PCDH15: variants seen among roughly 807,000 people sequenced by gnomAD.
PCDH15 encodes the protein protocadherin-15.
PCDH15 carries 129 observed loss-of-function variants against 178.5 expected under a neutral mutation model. That is an observed-to-expected ratio of 0.72 (90% confidence interval 0.63 to 0.84). PCDH15 has a LOEUF of 0.84. Among genes scored for constraint, PCDH15 ranks in the 40% least tolerant of loss-of-function variants. PCDH15 has a pLI of 0.00. For synonymous variants in PCDH15, 800 were observed against 732.0 expected (o/e 1.09, Z -1.50); for missense variants, 2,230 against 2,099.9 (o/e 1.06, Z -1.21).
At chr10:55,312,605 T>G (rs1843613540) in intron 1 of PCDH15, among the ~76,000 whole-genome samples, 1 of 151,240 alleles carries the variant, frequency 6.6e-6, no homozygotes, top group African/African-American at 2.5e-5. Context: ...AGATGTTGAC[T>G]GCTCTAAGTA....
At chr10:54,722,156 A>G (rs1941726794) in intron 1 of PCDH15, among the ~76,000 whole-genome samples, 1 of 151,892 alleles carries the variant, frequency 6.6e-6, no homozygotes. Context: ...TTCATCTGAT[A>G]AAATCAACAC....
Position 55,334,640 on chromosome 10 carries a change from A to T in PCDH15, c.-155-167989T>A, listed in dbSNP as rs140037155. On this transcript the variant is annotated intron_variant, in intron 2 of 5. Transcript: ENST00000613346. ...CATATTTTTATTTTTTTCTATCTGT[A>T]TTGTATTTCACTGTTTTTATTTTTA... 5.1e-3 allele frequency among the ~76,000 whole-genome samples: 769 copies of T among 151,870 alleles called. 16 individuals are homozygous for T. The highest frequency in any genetic ancestry group is 0.017 in the African/African-American group (718 of 41,416).
intron 2 of PCDH15, among the ~76,000 whole-genome samples, chr10:55,078,598 T>C (rs1474160938): frequency 3.9e-5 from 6 of 152,142 alleles, no homozygotes; most frequent in African/African-American, 1.4e-4. Flanking sequence ...CTTGAGATAG[T>C]CTATTGTTGA....
intron 1 of PCDH15, among the ~76,000 whole-genome samples, chr10:54,697,988 T>TCAC (rs1484050937): frequency 6.6e-6 from 1 of 151,264 alleles, no homozygotes; most frequent in Non-Finnish European, 1.5e-5. Flanking sequence ...AAATCAATAC[T>TCAC]CATCCTGAGA....
chr10:55,215,865 A>G (rs1269272925), intron 1 of PCDH15, among the ~76,000 whole-genome samples: 2 of 152,042 alleles, frequency 1.3e-5, no homozygotes, highest in East Asian at 3.9e-4. Flanking sequence ...AGAGACATCC[A>G]GGATTTCTGA....
intron 1 of PCDH15, among the ~76,000 whole-genome samples, chr10:55,296,744 T>C (rs538081539): frequency 1.7e-4 from 26 of 152,122 alleles, no homozygotes; most frequent in Non-Finnish European, 3.4e-4. Context: ...TTAGACATAG[T>C]AAAATTCACT....
At chr10:55,426,221 C>T (rs1375473997) in intron 2 of PCDH15, among the ~76,000 whole-genome samples, 2 of 152,058 alleles carry the variant, frequency 1.3e-5, no homozygotes, top group African/African-American at 2.4e-5. Flanking sequence ...TTCCCCTGAC[C>T]TCTTGGTGGG....
intron 2 of PCDH15, among the ~76,000 whole-genome samples, chr10:55,095,220 G>C (rs1303139323): frequency 1.3e-5 from 2 of 151,884 alleles, no homozygotes; most frequent in Admixed American, 1.3e-4. Context: ...GGGATTACAG[G>C]TGTGAGCTAC....
At chr10:54,019,029 G>A (rs1480095970) in intron 20 of PCDH15, among the ~76,000 whole-genome samples, 1 of 152,004 alleles carries the variant, frequency 6.6e-6, no homozygotes, top group Admixed American at 6.6e-5. Context: ...CTTTGCAAGT[G>A]CTTCATTTAT....
At chr10:54,080,594 C>G (rs951186573) in intron 16 of PCDH15, among the ~76,000 whole-genome samples, 1 of 152,094 alleles carries the variant, frequency 6.6e-6, no homozygotes, top group Admixed American at 6.5e-5. Flanking sequence ...ATTCATATCA[C>G]ATATGGTAGT....
intron 7 of PCDH15, among the ~76,000 whole-genome samples, chr10:54,319,537 T>C (rs1225439165): frequency 1.3e-5 from 2 of 152,160 alleles, no homozygotes; most frequent in Non-Finnish European, 2.9e-5. Flanking sequence ...AGCAACTGCA[T>C]GAGTGGTGCC....
At chr10:54,090,099 T>C (rs1355822176) in intron 15 of PCDH15, 36 bp from the exon 16 acceptor site, 3 of 1,480,104 alleles carry the variant, frequency 2.0e-6, no homozygotes, top group African/African-American at 1.4e-5. Flanking sequence ...TATCAAGTAA[T>C]TGATATGGCG....
At chr10:54,014,140 TC>T (rs1334789979) in intron 20 of PCDH15, among the ~76,000 whole-genome samples, 3 of 151,962 alleles carry the variant, frequency 2.0e-5, no homozygotes, top group South Asian at 4.1e-4. Context: ...TATGAACACC[TC>T]TGGGTACACA....
intron 1 of PCDH15, among the ~76,000 whole-genome samples, chr10:55,243,066 T>C (rs190963109): frequency 2.6e-5 from 4 of 152,214 alleles, no homozygotes; most frequent in Admixed American, 1.3e-4. Flanking sequence ...TCAAAACAAC[T>C]TTCATTTATG....
chr10:54,456,701 C>G (rs1346676640), intron 3 of PCDH15, among the ~76,000 whole-genome samples: 1 of 152,054 alleles, frequency 6.6e-6, no homozygotes, highest in African/African-American at 2.4e-5. Context: ...TATGGTTTGG[C>G]TGTGTCCCCA....
chr10:54,611,988 A>G (rs1382698229), intron 2 of PCDH15, among the ~76,000 whole-genome samples: 1 of 151,914 alleles, frequency 6.6e-6, no homozygotes, highest in Non-Finnish European at 1.5e-5. Flanking sequence ...CACAACACTG[A>G]AGTTAATAAA....
intron 2 of PCDH15, among the ~76,000 whole-genome samples, chr10:55,410,903 C>T (rs1838315826): frequency 6.6e-6 from 1 of 151,996 alleles, no homozygotes; most frequent in Non-Finnish European, 1.5e-5. Flanking sequence ...GCTGGTCTCA[C>T]AGGCCCTTCA....
intron 2 of PCDH15, among the ~76,000 whole-genome samples, chr10:55,134,704 T>C (rs1399116625): frequency 6.6e-6 from 1 of 152,212 alleles, no homozygotes; most frequent in East Asian, 1.9e-4. Context: ...ATTTACGTTT[T>C]GTGAGAACTT....
intron 2 of PCDH15, among the ~76,000 whole-genome samples, chr10:55,570,750 T>C (rs1391201529): frequency 6.6e-6 from 1 of 152,066 alleles, no homozygotes; most frequent in African/African-American, 2.4e-5. Context: ...GAAAATGTTT[T>C]CAAATGCTAT....
Sources: allele counts gnomAD v4.1 joint callset (sites outside exome capture counted in the v4.1 genomes callset), GRCh38; gene constraint gnomAD v4.1.1; transcripts MANE v1.5; gene names NCBI Gene and HGNC (gene_info 2026-07-23, HGNC 2026-07-21).